Variants in DYNC2H1 observed in about 807,000 individuals in gnomAD.
The protein encoded by DYNC2H1 is dynein cytoplasmic 2 heavy chain 1.
A neutral mutation model predicts 570.0 loss-of-function variants in DYNC2H1; 410 were observed. The observed-to-expected ratio is 0.72, with a 90% CI of 0.66 to 0.78. The LOEUF is 0.78. Among genes scored for constraint, DYNC2H1 ranks in the 30% least tolerant of loss-of-function variants. DYNC2H1 has a pLI of 0.00. For synonymous variants in DYNC2H1, 1,688 were observed against 1,677.6 expected, an observed-to-expected ratio of 1.01 and a Z score of -0.15; for missense variants, 4,865 against 5,046.4, an observed-to-expected ratio of 0.96 and a Z score of 1.09.
At chr11:103,146,001 A>AT (rs1257460390) in intron 18 of DYNC2H1, among the ~76,000 whole-genome samples, 1 of 152,184 alleles carries the variant, frequency 6.6e-6, no homozygotes, top group Non-Finnish European at 1.5e-5. Context: ...CCAAAATCAC[A>AT]TATCTTCATG....
rs763121628 is a variant in DYNC2H1, at chr11:103,134,304, G to C, written c.2107-17G>C. On this transcript the variant is annotated splice_polypyrimidine_tract_variant and intron_variant, in intron 14 of 88. Transcript: ENST00000375735. ...TCCAGCAATACTTTGAGACTAGCAT[G>C]CTCTAATTTTTCATAGGTGGTTGTT... 4.3e-6 allele frequency: 7 copies of C among 1,609,774 alleles called. No individual in the cohort carries two copies. Among genetic ancestry groups the C allele is most frequent in the Middle Eastern group, 1.7e-4 (1 of 6,042 alleles).
At chr11:103,361,171 T>C (rs1265364234) in intron 83 of DYNC2H1, among the ~76,000 whole-genome samples, 1 of 152,222 alleles carries the variant, frequency 6.6e-6, no homozygotes, top group Non-Finnish European at 1.5e-5. Context: ...TGTTGAAGTC[T>C]TAACTCTCAA....
At chr11:103,134,288 A>G in intron 14 of DYNC2H1, 33 bp from the exon 15 acceptor site, 1 of 1,593,252 alleles carries the variant, frequency 6.3e-7, no homozygotes, top group Non-Finnish European at 8.6e-7. Flanking sequence ...TTCCAGCAAT[A>G]CTTTGAGACT....
At chr11:103,156,853 A>G (rs1445242958) in intron 26 of DYNC2H1, 83 bp downstream of exon 26, 1 of 1,502,232 alleles carries the variant, frequency 6.7e-7, no homozygotes, top group South Asian at 1.3e-5. Context: ...ATACAGGCAA[A>G]TTACTTTTAC....
At chr11:103,459,130 A>C (rs2135817361) in intron 87 of DYNC2H1, among the ~76,000 whole-genome samples, 1 of 150,994 alleles carries the variant, frequency 6.6e-6, no homozygotes, top group East Asian at 2.0e-4. Context: ...TAAAACGGTG[A>C]AACCCCGTCT....
chr11:103,429,617 C>G (rs889908627), intron 84 of DYNC2H1, among the ~76,000 whole-genome samples: 2 of 152,138 alleles, frequency 1.3e-5, no homozygotes, highest in Non-Finnish European at 2.9e-5. Context: ...TAAGGGCTCT[C>G]TTATTGTTAA....
chr11:103,386,732 T>G (rs1181393513), intron 83 of DYNC2H1, among the ~76,000 whole-genome samples: 1 of 152,118 alleles, frequency 6.6e-6, no homozygotes, highest in African/African-American at 2.4e-5. Flanking sequence ...TTCCCACCTA[T>G]GAGTGAGAAC....
rs180689755 is a variant in DYNC2H1 at position 103,475,978 on chromosome 11, A to C, written c.12766-3117A>C. ...AAAGCAAATATCAGGTGTTGGAAAAAGATAATTTAAGACCTTTCCCAGGAT... is the reference window on the plus strand; with the variant it reads ...AAAGCAAATATCAGGTGTTGGAAAACGATAATTTAAGACCTTTCCCAGGAT... On this transcript the variant is annotated intron_variant, in intron 88 of 88. Transcript: ENST00000375735. Among the ~76,000 whole-genome samples, 55 of 152,332 alleles carry C rather than the reference A, an allele frequency of 3.6e-4. No individual in the cohort carries two copies. In the East Asian group the frequency reaches 0.01, roughly 28 times the overall value.
chr11:103,459,958 C>CCAAAAAAAAAA (rs1555140355), intron 87 of DYNC2H1, among the ~76,000 whole-genome samples: 1 of 70,858 alleles, frequency 1.4e-5, no homozygotes, highest in East Asian at 5.3e-4. Context: ...GACTCCGTCT[C>CCAAAAAAAAAA]AAAAAAAAAA....
At chr11:103,311,438 G>A (rs1867582284) in intron 78 of DYNC2H1, among the ~76,000 whole-genome samples, 1 of 152,088 alleles carries the variant, frequency 6.6e-6, no homozygotes, top group African/African-American at 2.4e-5. Flanking sequence ...AGGAACGTTA[G>A]TTGACATTCT....
chr11:103,378,121 C>T (rs1160270426), intron 83 of DYNC2H1, among the ~76,000 whole-genome samples: 1 of 83,206 alleles, frequency 1.2e-5, no homozygotes, highest in Non-Finnish European at 2.8e-5. Context: ...TGAGCATAAA[C>T]AGGGATAAAA....
At chr11:103,293,719 A>G (rs1231938234) in intron 75 of DYNC2H1, among the ~76,000 whole-genome samples, 1 of 151,900 alleles carries the variant, frequency 6.6e-6, no homozygotes, top group Non-Finnish European at 1.5e-5. Flanking sequence ...CAGTTTGTTA[A>G]TTGTATTTTT....
chr11:103,224,753 T>C (rs1458641838), intron 59 of DYNC2H1, among the ~76,000 whole-genome samples: 3 of 152,230 alleles, frequency 2.0e-5, no homozygotes, highest in Non-Finnish European at 4.4e-5. Context: ...TCTTTTCCTC[T>C]GGGTAGATAC....
intron 47 of DYNC2H1, among the ~76,000 whole-genome samples, chr11:103,196,717 G>A (rs914516289): frequency 1.3e-4 from 20 of 152,204 alleles, no homozygotes; most frequent in Non-Finnish European, 2.4e-4. Context: ...TAGTTGTGGC[G>A]TGATAAGTAG....
At chr11:103,114,557 G>A (rs1437464937) in intron 3 of DYNC2H1, among the ~76,000 whole-genome samples, 1 of 152,010 alleles carries the variant, frequency 6.6e-6, no homozygotes, top group East Asian at 1.9e-4. Context: ...TGGCCTCAAG[G>A]GATCCTCACT....
At position 103,222,087 on chromosome 11, in the gene DYNC2H1, T is replaced by C; in HGVS notation, c.9165T>C (p.Ile3055=). Residue 3055 remains isoleucine, a synonymous_variant, in exon 58 of 89, where the codon ATT becomes ATC. Transcript: ENST00000375735. ...EDIATFDARN[I]SKEIRESVEE... ...TAGCAACCTTTGATGCCCGAAATAT[T>C]TCAAAGGAAATAAGAGAGAGTGTTG... The C allele has an allele frequency of 6.2e-7, 1 of 1,610,038 alleles. No individual in the cohort carries two copies. The highest frequency in any genetic ancestry group is 8.5e-7 in the Non-Finnish European group (1 of 1,177,298).
chr11:103,228,779 C>A lies in DYNC2H1; in HGVS notation c.9354-2481C>A, dbSNP rs1307975248. Among the ~76,000 whole-genome samples the A allele has an allele frequency of 6.6e-6, 1 of 152,100 alleles. No homozygotes were observed. Among genetic ancestry groups the A allele is most frequent in the Non-Finnish European group, 1.5e-5 (1 of 68,014 alleles). ...CTCTTCAGGTTTCTCAGGCGGTGGG[C>A]AGGGCCTTAGAGCTTTCAAGATATT... On this transcript the variant is annotated intron_variant, in intron 59 of 88. Coordinates refer to ENST00000375735, the MANE Select transcript of DYNC2H1 (RefSeq NM_001377.3). The surrounding 1 kb of genome is among the most constrained non-coding windows in gnomAD (Gnocchi z 6.1).
chr11:103,298,772 T>A (rs916482017), intron 75 of DYNC2H1, among the ~76,000 whole-genome samples: 12 of 152,160 alleles, frequency 7.9e-5, no homozygotes, highest in Non-Finnish European at 1.5e-4. Context: ...TTCTCAAGCA[T>A]CATTCATATG....
At chr11:103,126,054 C>T (rs561963180) in intron 12 of DYNC2H1, among the ~76,000 whole-genome samples, 16 of 151,946 alleles carry the variant, frequency 1.1e-4, no homozygotes, top group Non-Finnish European at 2.2e-4. Context: ...TGATTTTTTT[C>T]GTTTTTTCTT....
Sources: gnomAD v4.1 joint callset for allele counts (sites outside exome capture counted in the v4.1 genomes callset) on GRCh38, gnomAD v4.1.1 for gene constraint, Gnocchi (gnomAD v3.1) non-coding constraint, MANE v1.5 for transcripts, NCBI Gene and HGNC (gene_info 2026-07-23, HGNC 2026-07-21) for gene names.